The following FBXL14 variants were observed in gnomAD, a reference collection of about 807,000 sequenced individuals.
The protein encoded by FBXL14 is F-box/LRR-repeat protein 14.
In FBXL14, 11 loss-of-function variants were observed where a neutral mutation model predicts 24.5. That is an observed-to-expected ratio of 0.45 (90% confidence interval 0.28 to 0.74). FBXL14 has a LOEUF of 0.74. Among genes scored for constraint, FBXL14 ranks in the 30% least tolerant of loss-of-function variants. FBXL14 has a pLI of 0.12. For missense variants in FBXL14, 384 were observed against 545.6 expected, an observed-to-expected ratio of 0.70 and a Z score of 2.95; for synonymous variants, 294 against 240.4, an observed-to-expected ratio of 1.22 and a Z score of -2.06.
intron 1 of FBXL14, among the ~76,000 whole-genome samples, chr12:1,580,018 G>A (rs2094463137): frequency 6.6e-6 from 1 of 152,212 alleles, no homozygotes; most frequent in South Asian, 2.1e-4. Flanking sequence ...TTAAAGGAAG[G>A]TTCCAATAGA....
Position 1,579,857 on chromosome 12 carries a change from G to A in FBXL14, c.1194+13016C>T, listed in dbSNP as rs554653130. On this transcript the variant is annotated intron_variant, in intron 1 of 1. Transcript: ENST00000339235. This position sits in a 1 kb window ranked among gnomAD's most constrained non-coding sequence, Gnocchi z 4.3. ...CTGGGATTAGAATGAGCAGTCTCTCGATGCTGAAATGGAATGATGAGAACT... is the reference window on the plus strand; with the variant it reads ...CTGGGATTAGAATGAGCAGTCTCTCAATGCTGAAATGGAATGATGAGAACT... Among the ~76,000 whole-genome samples the A allele has an allele frequency of 4.6e-5, 7 of 152,252 alleles. No individual in the cohort carries two copies. The highest frequency in any genetic ancestry group is 1.4e-4 in the African/African-American group (6 of 41,548).
chr12:1,576,022 A>C (rs2094455243), intron 1 of FBXL14, among the ~76,000 whole-genome samples: 1 of 152,232 alleles, frequency 6.6e-6, no homozygotes. Context: ...GCCTCAGCAC[A>C]GCCCAACAGG....
chr12:1,575,387 T>A (rs2094453906), intron 1 of FBXL14, among the ~76,000 whole-genome samples: 2 of 152,238 alleles, frequency 1.3e-5, no homozygotes, highest in Non-Finnish European at 2.9e-5. Flanking sequence ...TCGACCTAAC[T>A]GTCCATCTGG....
intron 1 of FBXL14, among the ~76,000 whole-genome samples, chr12:1,586,381 A>C (rs1474944627): frequency 6.6e-6 from 1 of 151,990 alleles, no homozygotes; most frequent in Non-Finnish European, 1.5e-5. Flanking sequence ...AAAAATAATA[A>C]TTTTTTTAAG....
intron 1 of FBXL14, among the ~76,000 whole-genome samples, chr12:1,574,498 C>T (rs1366597250): frequency 9.6e-4 from 6 of 6,264 alleles, no homozygotes; most frequent in East Asian, 5.3e-3. Flanking sequence ...CTGGCAGCAG[C>T]GGTGTGGATG....
intron 1 of FBXL14, among the ~76,000 whole-genome samples, chr12:1,583,392 A>G (rs2094470586): frequency 6.6e-6 from 1 of 152,178 alleles, no homozygotes. Flanking sequence ...AGAAAAAAAA[A>G]AAAGCATTAG....
intron 1 of FBXL14, among the ~76,000 whole-genome samples, chr12:1,591,481 T>G (rs907741420): frequency 6.6e-6 from 1 of 151,974 alleles, no homozygotes. Flanking sequence ...TCACAAACAG[T>G]ACAATTAATT....
chr12:1,571,365 C>T (rs2154437706), intron 1 of FBXL14, among the ~76,000 whole-genome samples: 1 of 152,298 alleles, frequency 6.6e-6, no homozygotes, highest in East Asian at 1.9e-4. Flanking sequence ...TGCGCCACCA[C>T]ACCCGGCTAA....
Position 1,594,092 on chromosome 12 carries a change from T to TG in FBXL14, c.-27dup, listed in dbSNP as rs1477366035. 1 of 1,368,946 alleles carries TG rather than the reference T, an allele frequency of 7.3e-7. No homozygotes were observed. Among genetic ancestry groups the TG allele is most frequent in the Non-Finnish European group, 9.4e-7 (1 of 1,064,904 alleles). 84.8% of individuals were successfully genotyped at this position (1,368,946 alleles called of 1,614,324 possible). On this transcript the variant is annotated 5_prime_UTR_variant, in exon 1 of 2. Coordinates refer to ENST00000339235, the MANE Select transcript of FBXL14 (RefSeq NM_152441.3). ...CTTCCTCCTCCCCCCTCCGCGGCGCTGGGGGGAGGAGGCGCGGGCCCCGCC... is the reference window on the plus strand; with the variant it reads ...CTTCCTCCTCCCCCCTCCGCGGCGCTGGGGGGGAGGAGGCGCGGGCCCCGCC...
intron 1 of FBXL14, among the ~76,000 whole-genome samples, chr12:1,575,374 C>T (rs1254160758): frequency 6.6e-6 from 1 of 152,224 alleles, no homozygotes; most frequent in Non-Finnish European, 1.5e-5. Flanking sequence ...TCTGTCTTAT[C>T]TATCGACCTA....
Position 1,593,593 on chromosome 12 carries a change from G to A in FBXL14, c.474C>T (p.Asn158=), listed in dbSNP as rs757059050. 35 of 1,614,094 alleles carry A rather than the reference G, an allele frequency of 2.2e-5. No homozygotes were observed. Among genetic ancestry groups the A allele is most frequent in the Non-Finnish European group, 2.7e-5 (32 of 1,180,052 alleles). ...LELGGCSNIT[N]TGLLLIAWGL... ...CCCAGGCGATGAGCAGAAGGCCAGT[G>A]TTGGTGATGTTGCTGCAACCTCCCA... The change falls in exon 1 of 2, where the codon AAC becomes AAT. Residue 158 remains asparagine (N), a synonymous_variant. Transcript: ENST00000339235. The surrounding 1 kb of genome is among the most constrained non-coding windows in gnomAD (Gnocchi z 7.4).
In FBXL14 at chr12:1,593,979, G is replaced by C; in HGVS notation, c.88C>G (p.Gln30Glu). The change falls in exon 1 of 2, where the codon CAG becomes GAG. Residue 30 changes from glutamine (Q) to glutamate (E), a missense_variant. By Grantham distance (29) the Gln-to-Glu change is conservative (BLOSUM62 2). Transcript: ENST00000339235. This position sits in a 1 kb window ranked among gnomAD's most constrained non-coding sequence, Gnocchi z 7.4. ...LDVRDKGRAA[Q>E]VCTAWRDAAY... ...GCGTCCCGCCAGGCGGTGCACACCT[G>C]CGCCGCGCGCCCCTTGTCCCGGACG... is the stretch of plus-strand genomic sequence containing the variant. 1 of 1,585,748 alleles carries C rather than the reference G, an allele frequency of 6.3e-7. No individual in the cohort carries two copies.
At chr12:1,591,709 T>G (rs755249086) in intron 1 of FBXL14, among the ~76,000 whole-genome samples, 1 of 152,102 alleles carries the variant, frequency 6.6e-6, no homozygotes, top group Non-Finnish European at 1.5e-5. Context: ...ATTTTGTTAA[T>G]AGAACAGAGA....
intron 1 of FBXL14, among the ~76,000 whole-genome samples, chr12:1,576,592 C>A (rs2094456398): frequency 6.6e-6 from 1 of 152,182 alleles, no homozygotes; most frequent in African/African-American, 2.4e-5. Flanking sequence ...CAATTCCCAA[C>A]TATTTTCCCC....
At chr12:1,574,397 TGG>T (rs71293125) in intron 1 of FBXL14, among the ~76,000 whole-genome samples, 5 of 48,658 alleles carry the variant, frequency 1.0e-4, no homozygotes, top group East Asian at 3.8e-4. Context: ...GAGGCTGGGG[TGG>T]GGGAGGCTGG....
In FBXL14 at chr12:1,594,082, T is replaced by G; in HGVS notation, c.-16A>C. On this transcript the variant is annotated 5_prime_UTR_variant, in exon 1 of 2. Coordinates refer to ENST00000339235, the MANE Select transcript of FBXL14 (RefSeq NM_152441.3). ...GGGTCTCCATCTTCCTCCTCCCCCC[T>G]CCGCGGCGCTGGGGGGAGGAGGCGC... 1 of 1,416,080 alleles carries G rather than the reference T, an allele frequency of 7.1e-7. No homozygotes were observed. Among genetic ancestry groups the G allele is most frequent in the Non-Finnish European group, 9.2e-7 (1 of 1,089,846 alleles). 87.7% of individuals were successfully genotyped at this position (1,416,080 alleles called of 1,614,324 possible).
chr12:1,584,350 C>T (rs1048215051), intron 1 of FBXL14, among the ~76,000 whole-genome samples: 1 of 152,206 alleles, frequency 6.6e-6, no homozygotes, highest in Non-Finnish European at 1.5e-5. Context: ...GACCCCAACT[C>T]TAAAAATCAA....
At position 1,566,450 on chromosome 12, in the gene FBXL14, C is replaced by T. The variant is rs1371412768; in HGVS notation, c.*298G>A. The T allele has an allele frequency of 6.4e-6, 2 of 314,834 alleles. No homozygotes were observed. Among genetic ancestry groups the T allele is most frequent in the Non-Finnish European group, 1.2e-5 (2 of 173,014 alleles). The allele number at this position is 314,834 out of a possible 1,614,324, so 19.5% of individuals were successfully genotyped here. ...AACTTGTAGTTTCCTGTCGAAGAAG[C>T]TTGCAAATTGCAATTCCATCCTAGC... On this transcript the variant is annotated 3_prime_UTR_variant, in exon 2 of 2. Coordinates refer to ENST00000339235, the MANE Select transcript of FBXL14 (RefSeq NM_152441.3).
In FBXL14 at chr12:1,594,123, G is replaced by T; in HGVS notation, c.-57C>A. 7.7e-7 allele frequency: 1 copy of T among 1,295,030 alleles called. No homozygotes were observed. The allele number at this position is 1,295,030 out of a possible 1,614,324, so 80.2% of individuals were successfully genotyped here. ...GAGGAGGCGCGGGCCCCGCCGCTCC[G>T]GCCTCGGGCAGGCGACGAGAGCGCT... On this transcript the variant is annotated 5_prime_UTR_variant, in exon 1 of 2. Coordinates refer to ENST00000339235, the MANE Select transcript of FBXL14 (RefSeq NM_152441.3).
Sources: gnomAD v4.1 joint callset for allele counts (sites outside exome capture counted in the v4.1 genomes callset) on GRCh38, gnomAD v4.1.1 for gene constraint, Gnocchi (gnomAD v3.1) non-coding constraint, MANE v1.5 for transcripts, NCBI Gene and HGNC (gene_info 2026-07-23, HGNC 2026-07-21) for gene names.